RYR3: variants seen among roughly 807,000 people sequenced by gnomAD.
RYR3 encodes the protein ryanodine receptor 3.
Under a neutral mutation model 584.3 loss-of-function variants are expected in RYR3, and 207 were observed. That is an observed-to-expected ratio of 0.35 (90% CI 0.32 to 0.40). The LOEUF (loss-of-function observed/expected upper bound fraction) is 0.40. Ranked by LOEUF, RYR3 falls within the 10% of genes least tolerant of loss-of-function variation. RYR3 has a pLI of 1.00. For synonymous variants in RYR3, 2,416 were observed against 2,248.5 expected (o/e 1.07, Z -2.11); for missense variants, 5,616 against 6,089.2 (o/e 0.92, Z 2.59).
At chr15:33,523,284 C>T (rs1428256953) in intron 3 of RYR3, among the ~76,000 whole-genome samples, 7 of 152,194 alleles carry the variant, frequency 4.6e-5, no homozygotes, top group Non-Finnish European at 8.8e-5. Context: ...TCCCCTTCCA[C>T]GCAGTGGAAG....
At chr15:33,417,786 T>C (rs2043925055) in intron 1 of RYR3, among the ~76,000 whole-genome samples, 1 of 152,112 alleles carries the variant, frequency 6.6e-6, no homozygotes. Context: ...TTGCTTTCAG[T>C]TTTTGCCCCT....
At chr15:33,496,047 T>C (rs1388273311) in intron 2 of RYR3, among the ~76,000 whole-genome samples, 1 of 152,184 alleles carries the variant, frequency 6.6e-6, no homozygotes, top group Non-Finnish European at 1.5e-5. Flanking sequence ...AAACGTGGTC[T>C]TATCCAGTTC....
chr15:33,680,227 GCTT>G (rs1234651238), intron 38 of RYR3, among the ~76,000 whole-genome samples: 1 of 152,218 alleles, frequency 6.6e-6, no homozygotes, highest in Admixed American at 6.5e-5. Context: ...GTATACCTCA[GCTT>G]CTGAAATGAG....
rs751841256 is a variant in RYR3, at chr15:33,746,166, C to G, written c.7989+9C>G. The G allele has an allele frequency of 1.9e-6, 3 of 1,568,244 alleles. No homozygotes were observed. Among genetic ancestry groups the G allele is most frequent in the Non-Finnish European group, 2.6e-6 (3 of 1,150,270 alleles). Reference sequence around the variant, plus strand: ...AGACATTAACGGAGAAGGTAAGAAGCAGGCCTCTGGTAACACTGTGTGACC... The same window carrying G: ...AGACATTAACGGAGAAGGTAAGAAGGAGGCCTCTGGTAACACTGTGTGACC... On this transcript the variant is annotated intron_variant, in intron 53 of 103. Coordinates refer to ENST00000634891, the MANE Select transcript of RYR3 (RefSeq NM_001036.6).
chr15:33,443,894 T>TTC (rs1468363576), intron 1 of RYR3, among the ~76,000 whole-genome samples: 1 of 152,316 alleles, frequency 6.6e-6, no homozygotes, highest in African/African-American at 2.4e-5. Context: ...TCATCTGGGG[T>TTC]TCCCTATATG....
chr15:33,455,806 T>C (rs775705008), intron 1 of RYR3, among the ~76,000 whole-genome samples: 3 of 152,174 alleles, frequency 2.0e-5, no homozygotes, highest in Non-Finnish European at 4.4e-5. Flanking sequence ...AGGAAAAATA[T>C]TTTATTTCCT....
intron 3 of RYR3, among the ~76,000 whole-genome samples, chr15:33,507,336 C>T (rs1285250931): frequency 6.6e-6 from 1 of 152,182 alleles, no homozygotes; most frequent in African/African-American, 2.4e-5. Flanking sequence ...AAGCCAGCTT[C>T]ATATTGAGAA....
chr15:33,532,301 T>C (rs1453420742), intron 4 of RYR3, among the ~76,000 whole-genome samples: 1 of 152,154 alleles, frequency 6.6e-6, no homozygotes, highest in Non-Finnish European at 1.5e-5. Flanking sequence ...TGTATCTTTA[T>C]AATAAGAAAA....
At chr15:33,615,475 G>A (rs1049349025) in intron 19 of RYR3, among the ~76,000 whole-genome samples, 1 of 152,170 alleles carries the variant, frequency 6.6e-6, no homozygotes, top group African/African-American at 2.4e-5. Flanking sequence ...GTGTGTGTAT[G>A]TTTGTATATA....
At position 33,807,895 on chromosome 15, in the gene RYR3, G is replaced by C. The variant is rs545329117; in HGVS notation, c.10026+326G>C. ...ATGACTGACAGGGCTTGAGAACCCA[G>C]GGGACTACTCCTCGTGGTGCTACCC... On this transcript the variant is annotated intron_variant, in intron 70 of 103. Coordinates refer to ENST00000634891, the MANE Select transcript of RYR3 (RefSeq NM_001036.6). 3 of 374,206 alleles carry C rather than the reference G, an allele frequency of 8.0e-6. No homozygotes were observed. In the East Asian group the frequency reaches 1.5e-4, roughly 18 times the overall value. 23.2% of individuals were successfully genotyped at this position (374,206 alleles called of 1,614,324 possible). A position where few individuals can be genotyped will look rare whatever the true frequency, so the allele number is the denominator to read the frequency against.
chr15:33,335,500 G>A lies in RYR3; in HGVS notation c.51+24404G>A, dbSNP rs115950329. 7.4e-3 allele frequency among the ~76,000 whole-genome samples: 1,124 copies of A among 152,210 alleles called. 14 individuals carry two copies. The highest frequency in any genetic ancestry group is 0.026 in the African/African-American group (1,064 of 41,526). ...TGATGAGAACACATGGACACATAGA[G>A]GGGAACAGCATACGTTGGGGCCTAT... On this transcript the variant is annotated intron_variant, in intron 1 of 103. Coordinates refer to ENST00000634891, the MANE Select transcript of RYR3 (RefSeq NM_001036.6).
chr15:33,793,183 G>A (rs941144129), intron 67 of RYR3, among the ~76,000 whole-genome samples: 8 of 152,188 alleles, frequency 5.3e-5, no homozygotes, highest in Non-Finnish European at 1.0e-4. Flanking sequence ...TGGAAAAGAC[G>A]CATAGGGAAA....
chr15:33,818,882 G>C (rs2076961636), intron 76 of RYR3, among the ~76,000 whole-genome samples, 198 bp downstream of exon 76: 1 of 152,234 alleles, frequency 6.6e-6, no homozygotes, highest in South Asian at 2.1e-4. Flanking sequence ...CCAGCACTTT[G>C]GGAAGCCAAG....
intron 18 of RYR3, 109 bp downstream of exon 18, chr15:33,603,473 G>A: frequency 1.7e-6 from 2 of 1,177,318 alleles, no homozygotes; most frequent in East Asian, 4.8e-5. Flanking sequence ...AGACTCAAGA[G>A]TCTCAACTAA....
intron 1 of RYR3, among the ~76,000 whole-genome samples, chr15:33,368,976 G>T (rs767791438): frequency 5.6e-4 from 85 of 152,168 alleles, no homozygotes; most frequent in Non-Finnish European, 1.1e-3. Flanking sequence ...GAGGGCCTCA[G>T]GGAGCTCTTG....
intron 23 of RYR3, among the ~76,000 whole-genome samples, chr15:33,631,729 C>T (rs1433476002): frequency 1.3e-5 from 2 of 152,206 alleles, no homozygotes; most frequent in African/African-American, 4.8e-5. Context: ...TGCTCTGCCT[C>T]TCTCCCACTA....
intron 38 of RYR3, among the ~76,000 whole-genome samples, chr15:33,686,008 C>G (rs1402169328): frequency 6.6e-6 from 1 of 151,668 alleles, no homozygotes; most frequent in Admixed American, 6.6e-5. Context: ...CTAAAATCAA[C>G]ACCCTAACAT....
chr15:33,562,335 G>A (rs78830162), intron 10 of RYR3, among the ~76,000 whole-genome samples: 3,836 of 152,258 alleles, frequency 0.025, 55 homozygotes, highest in Non-Finnish European at 0.036. Flanking sequence ...TAACCCCTGC[G>A]TATTCAAAGG....
chr15:33,374,859 G>A (rs772401395), intron 1 of RYR3, among the ~76,000 whole-genome samples: 2 of 152,152 alleles, frequency 1.3e-5, no homozygotes, highest in East Asian at 1.9e-4. Flanking sequence ...GGCTCTGGCT[G>A]GGCTTTACCC....
Sources: allele counts gnomAD v4.1 joint callset (sites outside exome capture counted in the v4.1 genomes callset), GRCh38; gene constraint gnomAD v4.1.1; transcripts MANE v1.5; gene names NCBI Gene and HGNC (gene_info 2026-07-23, HGNC 2026-07-21).